GRM4: variants seen among roughly 807,000 people sequenced by gnomAD.
The protein encoded by GRM4 is metabotropic glutamate receptor 4.
In GRM4, 28 loss-of-function variants were observed where a neutral mutation model predicts 81.7. That is an observed-to-expected ratio of 0.34 (90% confidence interval 0.25 to 0.47). The LOEUF is 0.47. Among genes scored for constraint, GRM4 ranks in the 20% least tolerant of loss-of-function variants. The probability of loss-of-function intolerance (pLI) is 1.00; values close to 1 mark genes in which losing one functional copy is unlikely to be tolerated. For missense variants in GRM4, 948 were observed against 1,290.0 expected (o/e 0.73, Z 4.06); for synonymous variants, 488 against 528.8 (o/e 0.92, Z 1.06).
At chr6:34,065,701 C>T (rs1766423723) in intron 3 of GRM4, among the ~76,000 whole-genome samples, 1 of 152,188 alleles carries the variant, frequency 6.6e-6, no homozygotes, top group South Asian at 2.1e-4. Context: ...GCTGGTGCGT[C>T]TGCTCGCCGG....
chr6:34,051,976 C>T (rs896576692), intron 6 of GRM4, among the ~76,000 whole-genome samples: 2 of 152,180 alleles, frequency 1.3e-5, no homozygotes, highest in Admixed American at 6.5e-5. Flanking sequence ...CTCTAATAGC[C>T]GTATGCTTGA....
intron 2 of GRM4, among the ~76,000 whole-genome samples, chr6:34,105,106 T>C (rs1425365500): frequency 6.6e-6 from 1 of 152,162 alleles, no homozygotes; most frequent in African/African-American, 2.4e-5. Context: ...TGTAATATAT[T>C]GCACTATATT....
At chr6:34,037,184 C>A (rs1227255192) in intron 8 of GRM4, among the ~76,000 whole-genome samples, 1 of 152,242 alleles carries the variant, frequency 6.6e-6, no homozygotes, top group Non-Finnish European at 1.5e-5. Flanking sequence ...GAGAGCTGAA[C>A]AAAGGTTTAA....
At chr6:34,072,297 A>ACCC in intron 3 of GRM4, among the ~76,000 whole-genome samples, 1 of 134,940 alleles carries the variant, frequency 7.4e-6, no homozygotes. Context: ...CACAGATACC[A>ACCC]CACACACATC....
chr6:34,056,173 G>A (rs1765860196), intron 6 of GRM4: 1 of 194,836 alleles, frequency 5.1e-6, no homozygotes, highest in Admixed American at 5.6e-5. Flanking sequence ...GAGTGACTGA[G>A]GGAACCCTGG....
intron 1 of GRM4, among the ~76,000 whole-genome samples, chr6:34,143,810 TGGAGAC>T: frequency 6.6e-6 from 1 of 152,148 alleles, no homozygotes; most frequent in African/African-American, 2.4e-5. Flanking sequence ...GTGCTCCGTA[TGGAGAC>T]CCTGGGAGCA....
intron 10 of GRM4, among the ~76,000 whole-genome samples, chr6:34,026,706 A>C (rs895162915): frequency 1.3e-5 from 2 of 152,166 alleles, no homozygotes; most frequent in Non-Finnish European, 2.9e-5. Context: ...GTACTGAGCC[A>C]TCAGAGCTCT....
Position 34,069,447 on chromosome 6 carries a change from C to T in GRM4, c.737-7419G>A, listed in dbSNP as rs1312093407. ...CCCAGCAAAGGCCCTCCCCATGCGG[C>T]TGCTCCAGAGTGAGCTGGGTGCGGG... is the stretch of plus-strand genomic sequence containing the variant. On this transcript the variant is annotated intron_variant, in intron 3 of 10. Coordinates refer to ENST00000538487, the MANE Select transcript of GRM4 (RefSeq NM_000841.4). The surrounding 1 kb of genome is among the most constrained non-coding windows in gnomAD (Gnocchi z 6.4). 6.6e-6 allele frequency among the ~76,000 whole-genome samples: 1 copy of T among 152,132 alleles called. No homozygotes were observed. The highest frequency in any genetic ancestry group is 2.4e-5 in the African/African-American group (1 of 41,426).
chr6:34,056,399 C>G, intron 6 of GRM4, 145 bp downstream of exon 6: 1 of 679,006 alleles, frequency 1.5e-6, no homozygotes, highest in South Asian at 1.9e-5. Context: ...CCTCCCAACT[C>G]CACCCCAGGT....
Position 34,036,467 on chromosome 6 carries a change from T to C in GRM4, c.1643A>G (p.Tyr548Cys). 6.2e-7 allele frequency: 1 copy of C among 1,613,494 alleles called. No individual in the cohort carries two copies. The highest frequency in any genetic ancestry group is 8.5e-7 in the Non-Finnish European group (1 of 1,179,804). ...CCWHCEPCTG[Y>C]QYQVDRYTCK... The stretch of plus-strand genomic sequence containing the variant: ...GGTGTAGCGGTCCACCTGGTACTGG[T>C]ACCCTGTGCAAGGCTCGCAGTGCCA... Residue 548 changes from tyrosine to cysteine, a missense_variant, in exon 9 of 11, where the codon TAC (tyrosine) becomes TGC (cysteine). Physicochemically the swap from Tyr to Cys is radical, Grantham distance 194. Coordinates refer to ENST00000538487, the MANE Select transcript of GRM4 (RefSeq NM_000841.4). This position sits in a 1 kb window ranked among gnomAD's most constrained non-coding sequence, Gnocchi z 9.0.
chr6:34,155,329 G>A, exon 1 of GRM4: 2 of 1,520,658 alleles, frequency 1.3e-6, no homozygotes, highest in Non-Finnish European at 1.8e-6. Context: ...GAGGCGTAGA[G>A]GGGAGCAAGG....
chr6:34,144,945 C>T (rs1770862165), intron 1 of GRM4, among the ~76,000 whole-genome samples: 1 of 152,126 alleles, frequency 6.6e-6, no homozygotes, highest in South Asian at 2.1e-4. Context: ...GCTCCGGGGG[C>T]GCCAGCTCTC....
chr6:34,118,542 C>T (rs746867949), intron 2 of GRM4, among the ~76,000 whole-genome samples: 13 of 152,180 alleles, frequency 8.5e-5, no homozygotes, highest in Non-Finnish European at 7.3e-5. Context: ...CCGTCCTGAC[C>T]GCGTTGTAGG....
In GRM4 at chr6:34,128,739, T is replaced by C. The variant is rs570516177; in HGVS notation, c.519+4239A>G. On this transcript the variant is annotated intron_variant, in intron 2 of 10. Transcript: ENST00000538487. ...GCTGGCACCATTATCATCTCTATTT[T>C]ACAAATGAGGAAACTGAGGCAGAGA... 1.7e-3 allele frequency among the ~76,000 whole-genome samples: 265 copies of C among 152,192 alleles called. 1 individual carries two copies. Among genetic ancestry groups the C allele is most frequent in the South Asian group, 6.8e-3 (33 of 4,824 alleles).
intron 6 of GRM4, 55 bp from the exon 7 acceptor site, chr6:34,040,803 G>A: frequency 6.8e-7 from 1 of 1,461,228 alleles, no homozygotes; most frequent in Non-Finnish European, 9.5e-7. Context: ...TCCTCACAGT[G>A]GTGTCATGGG....
chr6:34,087,840 A>ACACACACC (rs749810547), intron 3 of GRM4, among the ~76,000 whole-genome samples: 1 of 149,918 alleles, frequency 6.7e-6, no homozygotes. Flanking sequence ...ACACACACAC[A>ACACACACC]CGTCCTGGCC....
chr6:34,056,963 T>G (rs548023278), intron 5 of GRM4, among the ~76,000 whole-genome samples: 17 of 152,322 alleles, frequency 1.1e-4, no homozygotes, highest in African/African-American at 3.8e-4. Flanking sequence ...CTTTAACCGC[T>G]GCAATGCTAA....
intron 3 of GRM4, among the ~76,000 whole-genome samples, chr6:34,076,675 G>A (rs1767329236): frequency 6.9e-6 from 1 of 144,366 alleles, no homozygotes; most frequent in Non-Finnish European, 1.5e-5. Context: ...GGCAGCAGGA[G>A]AGGCCTTCTT....
In GRM4 at chr6:34,028,012, T is replaced by C. The variant is rs548402582; in HGVS notation, c.2689+108A>G. ...AGTGTCCCCCGCCGCCTCCCCAGGA[T>C]GGGGCATCGGGGCAGGGCGGGGTGG... On this transcript the variant is annotated intron_variant, in intron 10 of 10. Transcript: ENST00000538487. 4 of 1,251,438 alleles carry C rather than the reference T, an allele frequency of 3.2e-6. No homozygotes were observed. The African/African-American group carries it at 4.6e-5, about 14-fold the overall frequency. The allele number at this position is 1,251,438 out of a possible 1,614,324, so 77.5% of individuals were successfully genotyped here.
Sources: allele counts gnomAD v4.1 joint callset (sites outside exome capture counted in the v4.1 genomes callset), GRCh38; gene constraint gnomAD v4.1.1; non-coding constraint Gnocchi (gnomAD v3.1); transcripts MANE v1.5; gene names NCBI Gene and HGNC (gene_info 2026-07-23, HGNC 2026-07-21).